The following TRRAP variants were observed in gnomAD, a reference collection of about 807,000 sequenced individuals.
TRRAP encodes the protein transformation/transcription domain-associated protein.
Under a neutral mutation model 438.8 loss-of-function variants are expected in TRRAP, and 41 were observed. The observed-to-expected ratio is 0.09, with a 90% CI of 0.07 to 0.12. The LOEUF is 0.12. Among genes scored for constraint, TRRAP ranks in the 10% least tolerant of loss-of-function variants. The probability of loss-of-function intolerance (pLI) is 1.00; values close to 1 mark genes in which losing one functional copy is unlikely to be tolerated. For missense variants in TRRAP, 3,122 were observed against 5,055.1 expected (o/e 0.62, Z 11.60); for synonymous variants, 1,994 against 1,962.9 (o/e 1.02, Z -0.42).
Position 98,976,669 on chromosome 7 carries a change from A to G in TRRAP, c.8146A>G (p.Met2716Val). The G allele has an allele frequency of 6.2e-7, 1 of 1,614,170 alleles. No individual in the cohort carries two copies. The highest frequency in any genetic ancestry group is 1.1e-5 in the South Asian group (1 of 91,086). Residue 2716 changes from methionine (M) to valine (V), a missense_variant, in exon 55 of 73, where the codon ATG becomes GTG. Coordinates refer to ENST00000456197, the MANE Select transcript of TRRAP (RefSeq NM_001375524.1). The surrounding 1 kb of genome is among the most constrained non-coding windows in gnomAD (Gnocchi z 4.6). ...THNLWFRSTL[M>V]LEHQAFEKGL... ...CAACCTCTGGTTCCGGTCCACGCTG[A>G]TGTTGGAGCACCAGGCTTTTGAAAA...
Position 99,012,734 on chromosome 7 carries a change from T to C in TRRAP, c.*379T>C. On this transcript the variant is annotated 3_prime_UTR_variant, in exon 73 of 73. Coordinates refer to ENST00000456197, the MANE Select transcript of TRRAP (RefSeq NM_001375524.1). This position sits in a 1 kb window ranked among gnomAD's most constrained non-coding sequence, Gnocchi z 5.9. ...TCCCTTCCATCCATTTTTAACTCTT[T>C]CGGAAATAACACCTCACAGCAGCTT... The C allele has an allele frequency of 1.4e-5, 3 of 213,736 alleles. No individual in the cohort carries two copies. Among genetic ancestry groups the C allele is most frequent in the South Asian group, 1.1e-4 (1 of 9,478 alleles). The allele number at this position is 213,736 out of a possible 1,614,324, so 13.2% of individuals were successfully genotyped here.
intron 41 of TRRAP, 42 bp downstream of exon 41, chr7:98,955,346 G>A (rs1554419379): frequency 1.3e-6 from 2 of 1,556,728 alleles, no homozygotes; most frequent in Non-Finnish European, 1.7e-6. Flanking sequence ...CGCGTCTTCA[G>A]GCATTCACTT....
intron 24 of TRRAP, 95 bp downstream of exon 24, chr7:98,930,301 A>G: frequency 7.0e-7 from 1 of 1,435,970 alleles, no homozygotes; most frequent in Non-Finnish European, 9.5e-7. Context: ...TTGCGGCCAG[A>G]CGCAGTGGCT....
At chr7:98,953,485 T>C in intron 40 of TRRAP, 52 bp downstream of exon 40, 2 of 1,589,346 alleles carry the variant, frequency 1.3e-6, no homozygotes, top group African/African-American at 1.3e-5. Context: ...TCTCACATGG[T>C]GCACTTGGCT....
chr7:98,954,915 A>G (rs1554419178), intron 40 of TRRAP, among the ~76,000 whole-genome samples, 183 bp from the exon 41 acceptor site: 15 of 152,242 alleles, frequency 9.9e-5, no homozygotes, highest in Non-Finnish European at 2.1e-4. Context: ...AAATACTAGA[A>G]TGAATGTATT....
rs1554409496 is a variant in TRRAP at position 98,915,785 on chromosome 7, C to T, written c.2262C>T (p.Tyr754=). Residue 754 remains tyrosine (Y), a synonymous_variant, in exon 19 of 73, where the codon TAC becomes TAT. Coordinates refer to ENST00000456197, the MANE Select transcript of TRRAP (RefSeq NM_001375524.1). ...MELAQTAKEP[Y]NYFLLLRALF... is the part of the protein sequence containing the mutation. Reference sequence around the variant, plus strand: ...TCGCGCAGACTGCCAAGGAACCCTACAACTACTTCTTGCTGCTACGGGCGC... The same window carrying T: ...TCGCGCAGACTGCCAAGGAACCCTATAACTACTTCTTGCTGCTACGGGCGC... The T allele has an allele frequency of 6.2e-7, 1 of 1,614,226 alleles. No homozygotes were observed. Among genetic ancestry groups the T allele is most frequent in the East Asian group, 2.2e-5 (1 of 44,876 alleles).
intron 4 of TRRAP, among the ~76,000 whole-genome samples, chr7:98,890,805 TA>T (rs67285594): frequency 0.14 from 16,017 of 114,804 alleles, 3,574 homozygotes; most frequent in African/African-American, 0.48. Flanking sequence ...TTTTTTTTTT[TA>T]AAAGACAAGG....
Position 98,953,216 on chromosome 7 carries a change from A to G in TRRAP, c.5513A>G (p.Tyr1838Cys). Residue 1838 changes from tyrosine (Y) to cysteine (C), a missense_variant, in exon 40 of 73, where the codon TAC becomes TGC. Physicochemically the swap from Tyr to Cys is radical, Grantham distance 194 (BLOSUM62 -2). This residue lies in a region of TRRAP where 272 missense variants were observed against 348.5 expected (regional missense o/e 0.78). Coordinates refer to ENST00000456197, the MANE Select transcript of TRRAP (RefSeq NM_001375524.1). ...GACATGCTGGACTCGCTGCGGATCT[A>G]CCTGCTGCAGTACGCCACGCTGCTG... ...QADMLDSLRIYLLQYATLLVE... is the reference protein window; with the variant it reads ...QADMLDSLRICLLQYATLLVE... The G allele has an allele frequency of 1.9e-6, 3 of 1,612,978 alleles. No homozygotes were observed. Among genetic ancestry groups the G allele is most frequent in the Non-Finnish European group, 2.5e-6 (3 of 1,179,896 alleles).
intron 53 of TRRAP, among the ~76,000 whole-genome samples, chr7:98,974,121 A>G (rs1305006507): frequency 6.6e-6 from 1 of 152,224 alleles, no homozygotes; most frequent in Non-Finnish European, 1.5e-5. Context: ...AACAGAAAGA[A>G]GTGCTAATCC....
At chr7:98,935,218 G>A (rs1367199410) in intron 27 of TRRAP, among the ~76,000 whole-genome samples, 1 of 152,120 alleles carries the variant, frequency 6.6e-6, no homozygotes, top group Non-Finnish European at 1.5e-5. Flanking sequence ...CCCTGGGGAG[G>A]CTGATCTGAA....
intron 69 of TRRAP, among the ~76,000 whole-genome samples, chr7:99,006,055 G>T (rs1416414206): frequency 6.6e-6 from 1 of 152,224 alleles, no homozygotes; most frequent in Non-Finnish European, 1.5e-5. Flanking sequence ...AAGTCTAGCT[G>T]CCCTGTTAAG....
chr7:99,010,306 C>G (rs1794372883), intron 70 of TRRAP, among the ~76,000 whole-genome samples: 2 of 152,210 alleles, frequency 1.3e-5, no homozygotes, highest in Admixed American at 6.5e-5. Flanking sequence ...AGCATTCTCA[C>G]TGCTTAAGGA....
intron 45 of TRRAP, 105 bp from the exon 46 acceptor site, chr7:98,961,156 C>T (rs1791874602): frequency 8.6e-6 from 9 of 1,043,300 alleles, no homozygotes; most frequent in Admixed American, 1.9e-5. Context: ...TACTTAGTCT[C>T]CAAATAATTA....
intron 29 of TRRAP, among the ~76,000 whole-genome samples, 173 bp downstream of exon 29, chr7:98,937,450 C>T (rs994027312): frequency 6.6e-6 from 1 of 152,208 alleles, no homozygotes; most frequent in Non-Finnish European, 1.5e-5. Context: ...GTTTCATAGT[C>T]ATACTGAGTT....
chr7:98,972,517 A>T (rs2116713517), intron 53 of TRRAP, among the ~76,000 whole-genome samples: 1 of 152,380 alleles, frequency 6.6e-6, no homozygotes, highest in South Asian at 2.1e-4. Flanking sequence ...TTGCTAAATC[A>T]AGCCCACTTT....
At chr7:98,893,973 A>C (rs1397279162) in intron 6 of TRRAP, 92 bp downstream of exon 6, 34 of 1,167,114 alleles carry the variant, frequency 2.9e-5, no homozygotes, top group Non-Finnish European at 4.0e-5. Flanking sequence ...GGCTGAACAC[A>C]TACTGTTTTC....
At chr7:98,970,668 C>T (rs938150450) in intron 52 of TRRAP, among the ~76,000 whole-genome samples, 3 of 151,978 alleles carry the variant, frequency 2.0e-5, no homozygotes, top group Middle Eastern at 6.8e-3. Context: ...AATCACGTTA[C>T]CATGAGCTAG....
At chr7:98,998,086 C>G (rs1046279789) in intron 67 of TRRAP, among the ~76,000 whole-genome samples, 1 of 152,158 alleles carries the variant, frequency 6.6e-6, no homozygotes, top group Non-Finnish European at 1.5e-5. Context: ...ACATCAGGCT[C>G]TCAGTATAAT....
chr7:99,003,089 T>G (rs1794008091), intron 67 of TRRAP, among the ~76,000 whole-genome samples: 1 of 152,150 alleles, frequency 6.6e-6, no homozygotes, highest in Non-Finnish European at 1.5e-5. Flanking sequence ...GGACGGTGCC[T>G]CCTCGTGGCT....
Sources: gnomAD v4.1 joint callset for allele counts (sites outside exome capture counted in the v4.1 genomes callset) on GRCh38, gnomAD v4.1.1 for gene constraint, gnomAD v4.1.1 regional missense constraint, Gnocchi (gnomAD v3.1) non-coding constraint, MANE v1.5 for transcripts, NCBI Gene and HGNC (gene_info 2026-07-23, HGNC 2026-07-21) for gene names.